The following RPS6KC1 variants were observed in gnomAD, a reference collection of about 807,000 sequenced individuals.
RPS6KC1 encodes ribosomal protein S6 kinase C1, also known as inactive ribosomal protein S6 kinase delta-1.
A neutral mutation model predicts 103.8 loss-of-function variants in RPS6KC1; 54 were observed. The observed-to-expected ratio is 0.52, with a 90% CI of 0.42 to 0.65. The LOEUF (loss-of-function observed/expected upper bound fraction) is 0.65, where lower values mean the gene tolerates loss of function less well. RPS6KC1 is among the 30% of genes least tolerant of loss of function. The probability of loss-of-function intolerance (pLI) is 0.00; values close to 1 mark genes in which losing one functional copy is unlikely to be tolerated. For missense variants in RPS6KC1, 1,151 were observed against 1,253.8 expected (o/e 0.92, Z 1.24); for synonymous variants, 439 against 438.7 (o/e 1.00, Z -0.01).
intron 8 of RPS6KC1, among the ~76,000 whole-genome samples, chr1:213,202,290 A>G (rs74466032): frequency 0.03 from 4,614 of 152,138 alleles, 231 homozygotes; most frequent in African/African-American, 0.11. Context: ...TAATTAATGA[A>G]TTTACAATAT....
chr1:213,123,563 T>C (rs892813269), intron 5 of RPS6KC1, among the ~76,000 whole-genome samples: 1 of 152,140 alleles, frequency 6.6e-6, no homozygotes, highest in Non-Finnish European at 1.5e-5. Context: ...AAATGATGAA[T>C]AGGGAATCAC....
chr1:213,518,032 T>C, the RPS6KC1 span, among the ~76,000 whole-genome samples: 1 of 152,210 alleles, frequency 6.6e-6, no homozygotes, highest in Non-Finnish European at 1.5e-5. Flanking sequence ...GTCTGTTTTA[T>C]CAGAGACTAG....
chr1:213,269,652 C>A (rs921645331), intron 14 of RPS6KC1, among the ~76,000 whole-genome samples: 2 of 152,074 alleles, frequency 1.3e-5, no homozygotes, highest in African/African-American at 4.8e-5. Flanking sequence ...TCTGCTAAAT[C>A]CACAAATATT....
At chr1:213,787,549 C>T in the RPS6KC1 span, among the ~76,000 whole-genome samples, 1 of 152,058 alleles carries the variant, frequency 6.6e-6, no homozygotes, top group Non-Finnish European at 1.5e-5. Context: ...ATTGATCTTA[C>T]AGGTGGAGTT....
At chr1:213,432,864 A>G in the RPS6KC1 span, among the ~76,000 whole-genome samples, 2 of 152,112 alleles carry the variant, frequency 1.3e-5, no homozygotes, top group Non-Finnish European at 2.9e-5. Context: ...GTATGAATGT[A>G]CTACAATTTG....
chr1:213,363,695 T>TTCC, the RPS6KC1 span, among the ~76,000 whole-genome samples: 4 of 80,866 alleles, frequency 4.9e-5, no homozygotes, highest in Admixed American at 4.5e-4. Flanking sequence ...TCTTTCTTTC[T>TTCC]TTCTTTCCTT....
At chr1:213,724,189 G>A in the RPS6KC1 span, among the ~76,000 whole-genome samples, 1 of 152,212 alleles carries the variant, frequency 6.6e-6, no homozygotes, top group Admixed American at 6.5e-5. Context: ...CTGGGTTGAA[G>A]TGATCCTCCT....
intron 8 of RPS6KC1, among the ~76,000 whole-genome samples, chr1:213,181,534 T>C (rs1221299992): frequency 2.0e-5 from 3 of 152,234 alleles, no homozygotes; most frequent in African/African-American, 7.2e-5. Context: ...GAAAAACTGG[T>C]ACTTATTTTT....
intron 4 of RPS6KC1, among the ~76,000 whole-genome samples, chr1:213,114,259 T>A (rs1330553051): frequency 6.6e-6 from 1 of 150,584 alleles, no homozygotes; most frequent in Non-Finnish European, 1.5e-5. Flanking sequence ...GTAGTTCTCC[T>A]TGAAGAGGTC....
chr1:213,162,180 T>C (rs751282604), intron 6 of RPS6KC1, among the ~76,000 whole-genome samples: 2 of 152,196 alleles, frequency 1.3e-5, no homozygotes, highest in Admixed American at 6.5e-5. Flanking sequence ...CATTTGACTT[T>C]AGAACATAAG....
intron 5 of RPS6KC1, chr1:213,125,626 T>TTGTGTGTGTGTGTG (rs5780709): frequency 4.0e-4 from 58 of 145,914 alleles, no homozygotes; most frequent in African/African-American, 1.4e-3. Context: ...TTTTATCTGC[T>TTGTGTGTGTGTGTG]TGTGTGTGTG....
chr1:213,262,982 T>G (rs576240814), intron 14 of RPS6KC1, among the ~76,000 whole-genome samples, 166 bp downstream of exon 14: 1 of 152,306 alleles, frequency 6.6e-6, no homozygotes, highest in East Asian at 1.9e-4. Flanking sequence ...TTTGCTATCA[T>G]CAAAGTATTG....
chr1:213,566,197 T>C, the RPS6KC1 span, among the ~76,000 whole-genome samples: 1 of 152,078 alleles, frequency 6.6e-6, no homozygotes, highest in African/African-American at 2.4e-5. Flanking sequence ...TGAAATTCTG[T>C]CAACTCTGCT....
the RPS6KC1 span, among the ~76,000 whole-genome samples, chr1:213,829,437 G>A: frequency 3.9e-5 from 6 of 152,170 alleles, no homozygotes; most frequent in African/African-American, 1.4e-4. Context: ...TAAGAAATCA[G>A]TGATGAGAAA....
chr1:213,784,673 A>G, the RPS6KC1 span, among the ~76,000 whole-genome samples: 1 of 152,174 alleles, frequency 6.6e-6, no homozygotes, highest in Non-Finnish European at 1.5e-5. Flanking sequence ...CCACATCTCT[A>G]TGGTAGATCC....
Position 213,183,231 on chromosome 1 carries a change from A to G in RPS6KC1, c.1044+6739A>G, listed in dbSNP as rs59871704. Among the ~76,000 whole-genome samples the G allele has an allele frequency of 1.6e-3, 240 of 152,268 alleles. 1 individual carries two copies. The highest frequency in any genetic ancestry group is 5.6e-3 in the African/African-American group (232 of 41,542). On this transcript the variant is annotated intron_variant, in intron 8 of 14. Transcript: ENST00000366960. Reference sequence around the variant, plus strand: ...TAGGCAGTTACAGGTGGAGACTTCAACTGTCTCAAAAACTGATAAAACGGT... The same window carrying G: ...TAGGCAGTTACAGGTGGAGACTTCAGCTGTCTCAAAAACTGATAAAACGGT...
chr1:213,202,518 C>A (rs886660540), intron 8 of RPS6KC1, among the ~76,000 whole-genome samples: 3 of 152,092 alleles, frequency 2.0e-5, no homozygotes, highest in African/African-American at 7.2e-5. Context: ...GAGTCTGAGG[C>A]AGGAGAATCA....
At chr1:213,604,901 G>A in the RPS6KC1 span, among the ~76,000 whole-genome samples, 5 of 152,164 alleles carry the variant, frequency 3.3e-5, no homozygotes, top group Non-Finnish European at 7.3e-5. Context: ...AGTAGGAGAT[G>A]GGAAGGGTGG....
chr1:213,667,656 A>G, the RPS6KC1 span, among the ~76,000 whole-genome samples: 1 of 151,658 alleles, frequency 6.6e-6, no homozygotes, highest in Non-Finnish European at 1.5e-5. Context: ...ACATCTATTG[A>G]CTCTGTCTTT....
Sources: gnomAD v4.1 joint callset for allele counts (sites outside exome capture counted in the v4.1 genomes callset) on GRCh38, gnomAD v4.1.1 for gene constraint, MANE v1.5 for transcripts, NCBI Gene and HGNC (gene_info 2026-07-23, HGNC 2026-07-21) for gene names.